GAPVD1: variants seen among roughly 807,000 people sequenced by gnomAD.
The protein encoded by GAPVD1 is GTPase activating protein and VPS9 domains 1.
GAPVD1 carries 35 observed loss-of-function variants against 155.5 expected under a neutral mutation model. The ratio of observed to expected loss-of-function variants is 0.23; its 90% confidence interval spans 0.17 to 0.30. GAPVD1 has a LOEUF of 0.30. GAPVD1 is among the 10% of genes least tolerant of loss of function. The pLI is 1.00. For synonymous variants in GAPVD1, 636 were observed against 619.7 expected (o/e 1.03, Z -0.39); for missense variants, 1,429 against 1,775.7 (o/e 0.80, Z 3.51).
chr9:125,357,856 T>C (rs950166856), intron 25 of GAPVD1, among the ~76,000 whole-genome samples: 4 of 151,848 alleles, frequency 2.6e-5, no homozygotes, highest in Non-Finnish European at 4.4e-5. Context: ...ACACCTGTCA[T>C]GCCAGCTACT....
At chr9:125,309,992 C>A (rs779878032) in intron 8 of GAPVD1, 1 of 466,430 alleles carries the variant, frequency 2.1e-6, no homozygotes, top group Non-Finnish European at 4.5e-6. Context: ...TCTCATATTA[C>A]AGTAGTAACC....
In GAPVD1 at chr9:125,307,554, G is replaced by A. The variant is rs372148258; in HGVS notation, c.1251+7G>A. ...CAGTCAGCTTATTACTCTGGTAATG[G>A]CTTCATTGTTTAAGAGAATTTCTCG... On this transcript the variant is annotated splice_region_variant and intron_variant, in intron 7 of 27. Transcript: ENST00000297933. The A allele has an allele frequency of 3.3e-4, 530 of 1,605,674 alleles. No homozygotes were observed. Among genetic ancestry groups the A allele is most frequent in the Non-Finnish European group, 4.4e-4 (513 of 1,175,434 alleles).
intron 12 of GAPVD1, among the ~76,000 whole-genome samples, chr9:125,328,767 G>C (rs1447288207): frequency 6.6e-6 from 1 of 151,766 alleles, no homozygotes; most frequent in Non-Finnish European, 1.5e-5. Context: ...TCACTTCCCA[G>C]TAGGGGCGGC....
chr9:125,300,039 ATATATATATATATATATATATATAT>A lies in GAPVD1; in HGVS notation c.185+934_185+958del, dbSNP rs1234232817. ...GTCTCAAAAGAAAAAAAAAAAAAAA[ATATATATATATATATATATATATAT>A]ATATATATATATATATATATATATA... is the stretch of plus-strand genomic sequence containing the variant. On this transcript the variant is annotated intron_variant, in intron 4 of 27. Transcript: ENST00000297933. 1.4e-3 allele frequency among the ~76,000 whole-genome samples: 21 copies of A among 15,146 alleles called. 5 individuals carry two copies. The highest frequency in any genetic ancestry group is 3.9e-3 in the African/African-American group (12 of 3,092). The allele number at this position is 15,146 out of a possible 152,430, so 9.9% of individuals were successfully genotyped here. A position where few individuals can be genotyped will look rare whatever the true frequency, so the allele number is the denominator to read the frequency against.
chr9:125,332,481 T>G (rs1260676946), intron 14 of GAPVD1, 29 bp from the exon 15 acceptor site: 2 of 1,530,532 alleles, frequency 1.3e-6, no homozygotes, highest in Admixed American at 2.1e-5. Flanking sequence ...TTCTTCTTCC[T>G]GTTTATTTTT....
At chr9:125,336,878 A>ATTTTTTTTTTTTT in intron 15 of GAPVD1, 140 bp from the exon 16 acceptor site, 1 of 554,966 alleles carries the variant, frequency 1.8e-6, no homozygotes, top group Non-Finnish European at 3.2e-6. Context: ...TCATAATTTG[A>ATTTTTTTTTTTTT]TTTTTTTTTT....
At chr9:125,320,531 C>T (rs559380884) in intron 9 of GAPVD1, among the ~76,000 whole-genome samples, 85 of 151,976 alleles carry the variant, frequency 5.6e-4, no homozygotes, top group South Asian at 3.3e-3. Context: ...CATGATTACA[C>T]GTTTTCTTCT....
intron 15 of GAPVD1, among the ~76,000 whole-genome samples, chr9:125,336,290 C>CAAAAAAA (rs34270139): frequency 7.7e-6 from 1 of 129,170 alleles, no homozygotes; most frequent in Non-Finnish European, 1.7e-5. Flanking sequence ...AGCTTGAGAC[C>CAAAAAAA]AAAAAAAAAA....
chr9:125,343,820 G>C (rs77389829), intron 19 of GAPVD1, among the ~76,000 whole-genome samples: 2 of 152,186 alleles, frequency 1.3e-5, no homozygotes, highest in Admixed American at 1.3e-4. Context: ...GTATCCTTAC[G>C]ACATGTTCCT....
chr9:125,328,685 C>T lies in GAPVD1; in HGVS notation c.2033-1393C>T, dbSNP rs893379266. ...TTCTATTCCACAAAGCCGCCATTGT[C>T]ATCCTGGCCCGTTCTCAATGAGCTG... On this transcript the variant is annotated intron_variant, in intron 12 of 27. Coordinates refer to ENST00000297933, the MANE Select transcript of GAPVD1 (RefSeq NM_001282680.3). Among the ~76,000 whole-genome samples the T allele has an allele frequency of 6.4e-4, 97 of 151,596 alleles. 1 individual carries two copies. In the South Asian group the frequency reaches 0.018, roughly 29 times the overall value.
At chr9:125,274,108 C>G (rs1401078409) in intron 2 of GAPVD1, among the ~76,000 whole-genome samples, 1 of 151,900 alleles carries the variant, frequency 6.6e-6, no homozygotes, top group Non-Finnish European at 1.5e-5. Flanking sequence ...ACCTCTGCCT[C>G]CCCGGTTCAA....
intron 9 of GAPVD1, among the ~76,000 whole-genome samples, chr9:125,313,538 C>T (rs545577546): frequency 7.9e-5 from 12 of 151,948 alleles, no homozygotes; most frequent in African/African-American, 1.4e-4. Flanking sequence ...CTCCTGACCT[C>T]GTGATCCACC....
At chr9:125,350,923 G>T in intron 23 of GAPVD1, 51 bp downstream of exon 23, 1 of 1,405,648 alleles carries the variant, frequency 7.1e-7, no homozygotes, top group South Asian at 1.3e-5. Context: ...AGCTGCAAGT[G>T]TTTTCTTTTT....
rs1844335002 is a variant in GAPVD1 at position 125,321,522 on chromosome 9, C to T, written c.1692C>T (p.Arg564=). The change falls in exon 10 of 28, where the codon CGC becomes CGT. Residue 564 remains arginine (R), a synonymous_variant. Coordinates refer to ENST00000297933, the MANE Select transcript of GAPVD1 (RefSeq NM_001282680.3). ...KLHGKPDKTL[R]FSLCSDNLEG... is the part of the protein sequence containing the mutation. ...ATGGTAAACCTGATAAAACCTTGCG[C>T]TTTTCCCTCTGCAGTGATAATCTGG... 6.2e-7 allele frequency: 1 copy of T among 1,613,624 alleles called. No homozygotes were observed. Among genetic ancestry groups the T allele is most frequent in the Non-Finnish European group, 8.5e-7 (1 of 1,179,606 alleles).
At position 125,321,508 on chromosome 9, in the gene GAPVD1, G is replaced by T; in HGVS notation, c.1678G>T (p.Asp560Tyr). 6.2e-7 allele frequency: 1 copy of T among 1,613,470 alleles called. No individual in the cohort carries two copies. ...VDENKLHGKP[D>Y]KTLRFSLCSD... ...TGAAAACAAACTCCATGGTAAACCT[G>T]ATAAAACCTTGCGCTTTTCCCTCTG... The change falls in exon 10 of 28, where the codon GAT becomes TAT. Residue 560 changes from aspartate (D) to tyrosine (Y), a missense_variant. Physicochemically the swap from Asp to Tyr is radical, Grantham distance 160 (BLOSUM62 -3). This residue lies in a region of GAPVD1 where 628 missense variants were observed against 733.4 expected (regional missense o/e 0.86). Coordinates refer to ENST00000297933, the MANE Select transcript of GAPVD1 (RefSeq NM_001282680.3).
chr9:125,310,383 T>C (rs1049976667), intron 8 of GAPVD1, among the ~76,000 whole-genome samples: 1 of 152,218 alleles, frequency 6.6e-6, no homozygotes, highest in Non-Finnish European at 1.5e-5. Flanking sequence ...TCAGCTTTCA[T>C]ACAATGTGAA....
chr9:125,336,313 C>A (rs12238403), intron 15 of GAPVD1, among the ~76,000 whole-genome samples: 3,274 of 140,680 alleles, frequency 0.023, 119 homozygotes, highest in East Asian at 0.092. Context: ...AAACAAAAAA[C>A]AAAAAATAGC....
Position 125,302,772 on chromosome 9 carries a change from T to C in GAPVD1, c.975T>C (p.Tyr325=), listed in dbSNP as rs752392994. The change falls in exon 5 of 28, where the codon TAT becomes TAC. Residue 325 remains tyrosine, a synonymous_variant. Coordinates refer to ENST00000297933, the MANE Select transcript of GAPVD1 (RefSeq NM_001282680.3). The part of the protein sequence containing the change: ...ICPAVVNPEQ[Y]GIISDAPINE... Reference sequence around the variant, plus strand: ...CTGCAGTTGTCAATCCAGAACAATATGGAATAATTTCCGATGCTCCTATTA... The same window carrying C: ...CTGCAGTTGTCAATCCAGAACAATACGGAATAATTTCCGATGCTCCTATTA... 4 of 1,612,538 alleles carry C rather than the reference T, an allele frequency of 2.5e-6. No individual in the cohort carries two copies. Among genetic ancestry groups the C allele is most frequent in the South Asian group, 1.1e-5 (1 of 90,624 alleles).
rs1248988739 is a variant in GAPVD1 at position 125,337,557 on chromosome 9, C to A, written c.2843C>A (p.Ser948Tyr). The change falls in exon 17 of 28, where the codon TCT (serine) becomes TAT (tyrosine). Residue 948 changes from serine to tyrosine, a missense_variant. Around this residue, in one of 4 missense-constraint regions of GAPVD1, gnomAD observed 699 missense variants for 826.0 expected, o/e 0.85. Coordinates refer to ENST00000297933, the MANE Select transcript of GAPVD1 (RefSeq NM_001282680.3). ...TTGGTGGCTGCACCTCATTCATCAT[C>A]TTCATCCCCGAGTAAGGACTCCTCA... ...TSLVAAPHSS[S>Y]SSPSKDSSRG... 2.5e-6 allele frequency: 4 copies of A among 1,614,014 alleles called. No individual in the cohort carries two copies. The highest frequency in any genetic ancestry group is 3.3e-5 in the Admixed American group (2 of 60,016).
Sources: gnomAD v4.1 joint callset for allele counts (sites outside exome capture counted in the v4.1 genomes callset) on GRCh38, gnomAD v4.1.1 for gene constraint, gnomAD v4.1.1 regional missense constraint, MANE v1.5 for transcripts, NCBI Gene and HGNC (gene_info 2026-07-23, HGNC 2026-07-21) for gene names.